Variants in PTPRJ observed in about 807,000 individuals in gnomAD.
The protein encoded by PTPRJ is receptor-type tyrosine-protein phosphatase eta.
Under a neutral mutation model 141.3 loss-of-function variants are expected in PTPRJ, and 129 were observed. The observed-to-expected ratio is 0.91, with a 90% CI of 0.79 to 1.06. The LOEUF (loss-of-function observed/expected upper bound fraction) is 1.06. Ranked by LOEUF, PTPRJ falls within the 50% of genes least tolerant of loss-of-function variation. The pLI, the probability that PTPRJ is intolerant of heterozygous loss-of-function variation, is 0.00. For missense variants in PTPRJ, 1,601 were observed against 1,679.7 expected (o/e 0.95, Z 0.82); for synonymous variants, 610 against 640.5 (o/e 0.95, Z 0.72).
intron 10 of PTPRJ, among the ~76,000 whole-genome samples, chr11:48,138,083 C>T (rs1365447429): frequency 3.3e-5 from 5 of 152,206 alleles, no homozygotes; most frequent in African/African-American, 1.2e-4. Context: ...GCTCCTACCT[C>T]TTCCCTTTTT....
chr11:47,982,991 G>A (rs978420583), intron 1 of PTPRJ, among the ~76,000 whole-genome samples: 2 of 152,006 alleles, frequency 1.3e-5, no homozygotes, highest in African/African-American at 2.4e-5. Context: ...TTTTGATAAT[G>A]GATATTTCAG....
chr11:48,067,006 A>T (rs143345539), intron 1 of PTPRJ, among the ~76,000 whole-genome samples: 1 of 152,232 alleles, frequency 6.6e-6, no homozygotes, highest in Non-Finnish European at 1.5e-5. Context: ...CAGAGTTTCA[A>T]TGAAAAAGGG....
At chr11:48,131,070 A>ATATT (rs1565318918) in intron 8 of PTPRJ, among the ~76,000 whole-genome samples, 1 of 46,568 alleles carries the variant, frequency 2.1e-5, no homozygotes, top group Non-Finnish European at 4.1e-5. Flanking sequence ...ATATATATAT[A>ATATT]TTTTTTTTTT....
rs971620929 is a variant in PTPRJ at position 48,129,807 on chromosome 11, A to G, written c.1358-652A>G. On this transcript the variant is annotated intron_variant, in intron 7 of 24. Coordinates refer to ENST00000418331, the MANE Select transcript of PTPRJ (RefSeq NM_002843.4). ...TGAGGTTTTGGTTCTAGAGCCAGGCAGCGTGAGCTCCAGTCATTGCATCCA... is the reference window on the plus strand; with the variant it reads ...TGAGGTTTTGGTTCTAGAGCCAGGCGGCGTGAGCTCCAGTCATTGCATCCA... 3.9e-5 allele frequency among the ~76,000 whole-genome samples: 6 copies of G among 152,266 alleles called. No homozygotes were observed. In the South Asian group the frequency reaches 1.0e-3, roughly 26 times the overall value.
intron 1 of PTPRJ, among the ~76,000 whole-genome samples, chr11:48,005,546 C>T (rs1046068263): frequency 3.9e-5 from 6 of 152,168 alleles, no homozygotes; most frequent in African/African-American, 1.4e-4. Context: ...TTTTTTATGG[C>T]TGAATGATAT....
chr11:48,115,941 A>G (rs1856554805), intron 3 of PTPRJ, among the ~76,000 whole-genome samples: 1 of 152,198 alleles, frequency 6.6e-6, no homozygotes, highest in African/African-American at 2.4e-5. Flanking sequence ...ACAAAAAATA[A>G]AAAGCAAGGA....
At chr11:48,135,170 C>CTT (rs36040052) in intron 8 of PTPRJ, among the ~76,000 whole-genome samples, 46 of 86,776 alleles carry the variant, frequency 5.3e-4, no homozygotes, top group South Asian at 2.5e-3. Context: ...CCTTGAAGGG[C>CTT]TTTTTTTTTT....
chr11:48,037,917 C>T (rs545084730), intron 1 of PTPRJ, among the ~76,000 whole-genome samples: 1 of 152,120 alleles, frequency 6.6e-6, no homozygotes, highest in East Asian at 1.9e-4. Flanking sequence ...TTTCTGGCCT[C>T]CGTGAGTCCA....
chr11:48,090,771 A>G (rs1033299566), intron 1 of PTPRJ, among the ~76,000 whole-genome samples: 1 of 152,076 alleles, frequency 6.6e-6, no homozygotes, highest in Non-Finnish European at 1.5e-5. Flanking sequence ...TGGCTTTTCC[A>G]TCTTTGGTTC....
intron 7 of PTPRJ, 52 bp downstream of exon 7, chr11:48,128,095 CA>C: frequency 6.4e-7 from 1 of 1,556,632 alleles, no homozygotes; most frequent in Non-Finnish European, 8.8e-7. Flanking sequence ...TGCTCCGTGC[CA>C]GGCCCAGACA....
At chr11:48,154,471 T>C (rs1857556590) in intron 19 of PTPRJ, among the ~76,000 whole-genome samples, 1 of 152,224 alleles carries the variant, frequency 6.6e-6, no homozygotes, top group Non-Finnish European at 1.5e-5. Context: ...ATAAGAATTA[T>C]TTATTACATC....
Position 48,146,969 on chromosome 11 carries a change from A to G in PTPRJ, c.2999+6A>G, listed in dbSNP as rs1193206189. On this transcript the variant is annotated splice_donor_region_variant and intron_variant, in intron 15 of 24. Transcript: ENST00000418331. ...ATCTTCTGGAGAAAGAAGAGGTGATATTGCTTATGCTAATAATAATACTCT... is the reference window on the plus strand; with the variant it reads ...ATCTTCTGGAGAAAGAAGAGGTGATGTTGCTTATGCTAATAATAATACTCT... 6.2e-7 allele frequency: 1 copy of G among 1,608,332 alleles called. No homozygotes were observed. Among genetic ancestry groups the G allele is most frequent in the East Asian group, 2.2e-5 (1 of 44,846 alleles).
intron 1 of PTPRJ, among the ~76,000 whole-genome samples, chr11:48,018,568 G>A (rs1855014517): frequency 6.6e-6 from 1 of 152,150 alleles, no homozygotes; most frequent in South Asian, 2.1e-4. Context: ...GCTGTAAAAA[G>A]CAGCTAATTA....
chr11:48,122,778 G>A (rs1321961557), intron 4 of PTPRJ, among the ~76,000 whole-genome samples: 1 of 152,188 alleles, frequency 6.6e-6, no homozygotes, highest in Non-Finnish European at 1.5e-5. Context: ...TCATCTTACC[G>A]TTTCGGAGCT....
At chr11:47,986,807 G>A (rs1012768818) in intron 1 of PTPRJ, among the ~76,000 whole-genome samples, 4 of 152,128 alleles carry the variant, frequency 2.6e-5, no homozygotes, top group South Asian at 2.1e-4. Flanking sequence ...GAGCCACCAC[G>A]CCTGGCCCAT....
At chr11:48,130,764 A>G in intron 8 of PTPRJ, 48 bp downstream of exon 8, 24 of 1,495,768 alleles carry the variant, frequency 1.6e-5, no homozygotes, top group Non-Finnish European at 2.2e-5. Context: ...CTTAAAGGAA[A>G]TCAGTATAAT....
intron 19 of PTPRJ, 114 bp from the exon 20 acceptor site, chr11:48,155,687 A>T: frequency 1.2e-6 from 1 of 830,794 alleles, no homozygotes; most frequent in Non-Finnish European, 1.9e-6. Flanking sequence ...GTGCATCTTC[A>T]AAGACACAAG....
Position 48,136,210 on chromosome 11 carries a change from T to TGAA in PTPRJ, c.1789_1790insAGA (p.Leu596_Ile597insLys). The TGAA allele has an allele frequency of 6.2e-7, 1 of 1,614,230 alleles. No individual in the cohort carries two copies. The highest frequency in any genetic ancestry group is 8.5e-7 in the Non-Finnish European group (1 of 1,180,042). On this transcript the variant is annotated inframe_insertion, in exon 9 of 25. Coordinates refer to ENST00000418331, the MANE Select transcript of PTPRJ (RefSeq NM_002843.4). ...GACAAAGCGATTACTCTCCAGGGCC[T>TGAA]GATTCCGGGCACCTTATATAACATC...
chr11:48,142,527 T>A (rs530606718), intron 11 of PTPRJ, among the ~76,000 whole-genome samples: 1 of 152,366 alleles, frequency 6.6e-6, no homozygotes, highest in South Asian at 2.1e-4. Flanking sequence ...ATTTTATCGA[T>A]GTTTTGTGGT....
Sources: allele counts gnomAD v4.1 joint callset (sites outside exome capture counted in the v4.1 genomes callset), GRCh38; gene constraint gnomAD v4.1.1; transcripts MANE v1.5; gene names NCBI Gene and HGNC (gene_info 2026-07-23, HGNC 2026-07-21).